The following ERC2 variants were observed in gnomAD, a reference collection of about 807,000 sequenced individuals.
ERC2 encodes ELKS/RAB6-interacting/CAST family member 2.
Under a neutral mutation model 114.8 loss-of-function variants are expected in ERC2, and 42 were observed. That is an observed-to-expected ratio of 0.37 (90% CI 0.29 to 0.47). ERC2 has a LOEUF of 0.47. Among genes scored for constraint, ERC2 ranks in the 20% least tolerant of loss-of-function variants. ERC2 has a pLI of 0.99. For synonymous variants in ERC2, 454 were observed against 425.5 expected, an observed-to-expected ratio of 1.07 and a Z score of -0.82; for missense variants, 939 against 1,150.7, an observed-to-expected ratio of 0.82 and a Z score of 2.66.
chr3:55,670,407 C>T (rs1165884253), intron 17 of ERC2, among the ~76,000 whole-genome samples: 3 of 152,180 alleles, frequency 2.0e-5, no homozygotes, highest in Admixed American at 6.5e-5. Context: ...GCTGTCTTCA[C>T]GATTCTTAAA....
chr3:56,290,858 G>A (rs1182048286), intron 3 of ERC2, among the ~76,000 whole-genome samples: 1 of 152,158 alleles, frequency 6.6e-6, no homozygotes. Context: ...ACAGAGGGAG[G>A]CCCAGGTCTC....
chr3:56,053,043 G>A (rs1444371729), intron 7 of ERC2, among the ~76,000 whole-genome samples: 1 of 152,168 alleles, frequency 6.6e-6, no homozygotes, highest in African/African-American at 2.4e-5. Flanking sequence ...AAACAAGCAG[G>A]CAAAGTGACT....
chr3:55,888,465 G>A lies in ERC2; in HGVS notation c.2488C>T (p.Leu830=). Residue 830 remains leucine (L), a synonymous_variant, in exon 14 of 18, where the codon CTG becomes TTG. Coordinates refer to ENST00000288221, the MANE Select transcript of ERC2 (RefSeq NM_015576.3). ...KARLASTQQS[L]AEKEAHLANL... ...GCCAAGTGCGCTTCTTTTTCGGCCA[G>A]GGACTGTTGTGTGGAGGCGAGGCGT... 11 of 1,613,938 alleles carry A rather than the reference G, an allele frequency of 6.8e-6. No homozygotes were observed. The highest frequency in any genetic ancestry group is 9.3e-6 in the Non-Finnish European group (11 of 1,179,860).
At chr3:56,174,814 C>T (rs1479681412) in intron 3 of ERC2, among the ~76,000 whole-genome samples, 2 of 151,994 alleles carry the variant, frequency 1.3e-5, no homozygotes, top group South Asian at 2.1e-4. Flanking sequence ...CCTGTCTCTA[C>T]TAAAAATACA....
chr3:55,669,576 G>A (rs2061479435), intron 17 of ERC2, among the ~76,000 whole-genome samples: 1 of 152,180 alleles, frequency 6.6e-6, no homozygotes, highest in South Asian at 2.1e-4. Flanking sequence ...AAACATGATT[G>A]TATTTCTTGT....
intron 2 of ERC2, among the ~76,000 whole-genome samples, chr3:56,387,277 T>C (rs769168268): frequency 1.3e-5 from 2 of 152,208 alleles, no homozygotes; most frequent in African/African-American, 4.8e-5. Flanking sequence ...ATTATTGTTA[T>C]AGAGCCCCAA....
intron 14 of ERC2, among the ~76,000 whole-genome samples, chr3:55,831,669 C>T (rs1046344317): frequency 1.3e-5 from 2 of 152,162 alleles, no homozygotes; most frequent in Non-Finnish European, 2.9e-5. Context: ...CTACAGCTCC[C>T]AGCATGAGTG....
intron 14 of ERC2, among the ~76,000 whole-genome samples, chr3:55,788,601 C>T (rs2069711112): frequency 6.6e-6 from 1 of 151,972 alleles, no homozygotes; most frequent in Non-Finnish European, 1.5e-5. Flanking sequence ...GGAGAGGGTC[C>T]CTTTGGGTAC....
chr3:55,964,344 T>G (rs2068598598), intron 12 of ERC2, among the ~76,000 whole-genome samples: 1 of 152,240 alleles, frequency 6.6e-6, no homozygotes, highest in African/African-American at 2.4e-5. Flanking sequence ...TCATGGCATC[T>G]ATTATGCTAT....
Position 56,032,901 on chromosome 3 carries a change from C to G in ERC2, c.1642-13870G>C, listed in dbSNP as rs13085022. The stretch of plus-strand genomic sequence containing the variant: ...AAAGAAAGAAAGAGAGAGAGAGAGA[C>G]AGAAAGAAAGAAAGAAAGAAAGAAA... On this transcript the variant is annotated intron_variant, in intron 7 of 17. Coordinates refer to ENST00000288221, the MANE Select transcript of ERC2 (RefSeq NM_015576.3). 4.4e-3 allele frequency among the ~76,000 whole-genome samples: 162 copies of G among 36,886 alleles called. 1 individual carries two copies. The highest frequency in any genetic ancestry group is 8.1e-3 in the East Asian group (11 of 1,350). The allele number at this position is 36,886 out of a possible 152,430, so 24.2% of individuals were successfully genotyped here.
chr3:56,333,376 A>G (rs1039396874), intron 2 of ERC2, among the ~76,000 whole-genome samples: 1 of 152,276 alleles, frequency 6.6e-6, no homozygotes, highest in African/African-American at 2.4e-5. Flanking sequence ...TTAGCAAACA[A>G]CTTCAATGTG....
intron 2 of ERC2, among the ~76,000 whole-genome samples, chr3:56,419,472 C>T (rs2061303424): frequency 6.6e-6 from 1 of 152,212 alleles, no homozygotes; most frequent in African/African-American, 2.4e-5. Context: ...TAAAATCCAC[C>T]ACCTCCAGTA....
intron 12 of ERC2, among the ~76,000 whole-genome samples, chr3:55,981,560 C>T (rs72880936): frequency 0.033 from 4,954 of 152,114 alleles, 298 homozygotes; most frequent in African/African-American, 0.11. Context: ...CAGACTCTCA[C>T]TTGCAGAAGG....
rs143516628 is a variant in ERC2, at chr3:55,786,679, C to T, written c.2565-51761G>A. On this transcript the variant is annotated intron_variant, in intron 14 of 17. Coordinates refer to ENST00000288221, the MANE Select transcript of ERC2 (RefSeq NM_015576.3). Reference sequence around the variant, plus strand: ...AAAGGTAAAACTCACATAAACTCAACTCCGTCAACTCCAAAGTTCAGGTTC... The same window carrying T: ...AAAGGTAAAACTCACATAAACTCAATTCCGTCAACTCCAAAGTTCAGGTTC... Among the ~76,000 whole-genome samples the T allele has an allele frequency of 9.2e-5, 14 of 152,282 alleles. No homozygotes were observed. The East Asian group carries it at 2.3e-3, about 25-fold the overall frequency.
chr3:55,932,243 T>C (rs961418337), intron 13 of ERC2, among the ~76,000 whole-genome samples: 24 of 152,284 alleles, frequency 1.6e-4, no homozygotes, highest in Admixed American at 1.1e-3. Flanking sequence ...ACTAAAAATA[T>C]AATGCCTCTT....
intron 4 of ERC2, among the ~76,000 whole-genome samples, chr3:56,164,769 T>C (rs1416237266): frequency 6.6e-6 from 1 of 152,078 alleles, no homozygotes; most frequent in Non-Finnish European, 1.5e-5. Context: ...ATTGTCTGTC[T>C]TTCTTATTTT....
chr3:56,073,062 T>G (rs1022883290), intron 7 of ERC2, among the ~76,000 whole-genome samples: 1 of 152,132 alleles, frequency 6.6e-6, no homozygotes, highest in African/African-American at 2.4e-5. Context: ...CCATACACAC[T>G]CATGTGCACA....
At chr3:55,558,182 T>C (rs542130992) in intron 17 of ERC2, among the ~76,000 whole-genome samples, 1 of 152,360 alleles carries the variant, frequency 6.6e-6, no homozygotes, top group African/African-American at 2.4e-5. Context: ...ATGTGATCCT[T>C]TGATTAACGT....
At chr3:55,901,249 T>C (rs1470231904) in intron 13 of ERC2, among the ~76,000 whole-genome samples, 5 of 152,206 alleles carry the variant, frequency 3.3e-5, no homozygotes, top group South Asian at 2.1e-4. Context: ...TCTATTTCAG[T>C]TTTCCATTAT....
Sources: gnomAD v4.1 joint callset for allele counts (sites outside exome capture counted in the v4.1 genomes callset) on GRCh38, gnomAD v4.1.1 for gene constraint, MANE v1.5 for transcripts, NCBI Gene and HGNC (gene_info 2026-07-23, HGNC 2026-07-21) for gene names.